Variants in EFEMP1 observed in about 807,000 individuals in gnomAD.
The protein encoded by EFEMP1 is EGF-containing fibulin-like extracellular matrix protein 1.
Under a neutral mutation model 65.7 loss-of-function variants are expected in EFEMP1, and 18 were observed. The observed-to-expected ratio is 0.27, with a 90% CI of 0.19 to 0.41. The LOEUF is 0.41. Among genes scored for constraint, EFEMP1 ranks in the 10% least tolerant of loss-of-function variants. The pLI, the probability that EFEMP1 is intolerant of heterozygous loss-of-function variation, is 1.00. For synonymous variants in EFEMP1, 237 were observed against 219.7 expected (o/e 1.08, Z -0.70); for missense variants, 469 against 624.8 (o/e 0.75, Z 2.66).
At chr2:55,905,450 C>CTT (rs1206365546) in intron 5 of EFEMP1, among the ~76,000 whole-genome samples, 1 of 151,938 alleles carries the variant, frequency 6.6e-6, no homozygotes, top group Non-Finnish European at 1.5e-5. Flanking sequence ...TCCAATAATT[C>CTT]TTTTTTGTGT....
intron 5 of EFEMP1, among the ~76,000 whole-genome samples, chr2:55,899,189 C>T (rs926289807): frequency 3.3e-5 from 5 of 152,300 alleles, no homozygotes; most frequent in East Asian, 3.9e-4. Context: ...TTTCAGTAAT[C>T]GCCACTTACC....
Position 55,867,187 on chromosome 2 carries a change from T to C in EFEMP1, c.1368A>G (p.Ser456=), listed in dbSNP as rs149616551. The change falls in exon 12 of 12, where the codon TCA becomes TCG. Residue 456 remains serine (S), a synonymous_variant. Transcript: ENST00000355426. This position sits in a 1 kb window ranked among gnomAD's most constrained non-coding sequence, Gnocchi z 4.3. ...SAMLVLVKSL[S]GPREHIVDLE... ...GGTCCACGATATGTTCTCTTGGTCC[T>C]GATAATGACTTCACGAGCACAAGCA... The C allele has an allele frequency of 1.9e-4, 311 of 1,613,918 alleles. No individual in the cohort carries two copies. Among genetic ancestry groups the C allele is most frequent in the Admixed American group, 5.3e-4 (32 of 59,994 alleles).
At chr2:55,909,919 G>A (rs1670418999) in intron 5 of EFEMP1, among the ~76,000 whole-genome samples, 1 of 152,150 alleles carries the variant, frequency 6.6e-6, no homozygotes, top group Non-Finnish European at 1.5e-5. Flanking sequence ...AGCTACAGCA[G>A]AAAGTGGTTC....
chr2:55,879,222 T>A (rs982569118), intron 6 of EFEMP1, among the ~76,000 whole-genome samples: 6 of 152,192 alleles, frequency 3.9e-5, no homozygotes, highest in Non-Finnish European at 5.9e-5. Context: ...CTGTTCATTG[T>A]TAGATCTGGA....
chr2:55,899,348 C>T (rs147404728), intron 5 of EFEMP1, among the ~76,000 whole-genome samples: 140 of 152,270 alleles, frequency 9.2e-4, no homozygotes, highest in African/African-American at 3.1e-3. Flanking sequence ...AGGTGGTGTG[C>T]CTAGGCTTCT....
chr2:55,914,732 C>T (rs867946166), intron 5 of EFEMP1, among the ~76,000 whole-genome samples: 1 of 152,104 alleles, frequency 6.6e-6, no homozygotes, highest in Non-Finnish European at 1.5e-5. Flanking sequence ...TTTATTCTAT[C>T]CAGTAGACCA....
intron 7 of EFEMP1, among the ~76,000 whole-genome samples, chr2:55,876,997 A>C (rs964334283): frequency 6.6e-6 from 1 of 152,074 alleles, no homozygotes; most frequent in Non-Finnish European, 1.5e-5. Context: ...TCTAGGAATG[A>C]CAGTTAGTTT....
rs371175216 is a variant in EFEMP1, at chr2:55,871,142, A to G, written c.1001-19T>C. 1,954 of 1,613,212 alleles carry G rather than the reference A, an allele frequency of 1.2e-3. 32 individuals carry two copies. In the South Asian group the frequency reaches 0.02, roughly 16 times the overall value. The stretch of plus-strand genomic sequence containing the variant: ...TTTATATCTGTAGAGATGTAGGGTC[A>G]AAGAGTTTACTAACTAAACTAATGA... On this transcript the variant is annotated intron_variant, in intron 9 of 11. Coordinates refer to ENST00000355426, the MANE Select transcript of EFEMP1 (RefSeq NM_001039348.3). This position sits in a 1 kb window ranked among gnomAD's most constrained non-coding sequence, Gnocchi z 4.2.
In EFEMP1 at chr2:55,885,386, C is replaced by T. The variant is rs1669388570; in HGVS notation, c.518-3652G>A. Among the ~76,000 whole-genome samples the T allele has an allele frequency of 6.6e-6, 1 of 152,114 alleles. No homozygotes were observed. On this transcript the variant is annotated intron_variant, in intron 5 of 11. Transcript: ENST00000355426. The surrounding 1 kb of genome is among the most constrained non-coding windows in gnomAD (Gnocchi z 4.3). ...GAGGATCATGAAATGCTAGATCTGT[C>T]GTGAACAAAATTCAAGGCCTTAAAG... is the stretch of plus-strand genomic sequence containing the variant.
Position 55,873,711 on chromosome 2 carries a change from C to G in EFEMP1, c.1000+1235G>C, listed in dbSNP as rs17047277. ...ATAAAGATGTTCATTGTGCAATGAA[C>G]TACATTCTGATTATGCTCATACTCA... On this transcript the variant is annotated intron_variant, in intron 9 of 11. Coordinates refer to ENST00000355426, the MANE Select transcript of EFEMP1 (RefSeq NM_001039348.3). This position sits in a 1 kb window ranked among gnomAD's most constrained non-coding sequence, Gnocchi z 4.6. 0.049 allele frequency among the ~76,000 whole-genome samples: 7,407 copies of G among 152,064 alleles called. 580 individuals carry two copies. The highest frequency in any genetic ancestry group is 0.17 in the African/African-American group (6,933 of 41,490).
chr2:55,884,020 C>T (rs1305049462), intron 5 of EFEMP1, among the ~76,000 whole-genome samples: 3 of 152,182 alleles, frequency 2.0e-5, no homozygotes, highest in Non-Finnish European at 4.4e-5. Flanking sequence ...GGTGATTACA[C>T]ATTTTACTTA....
chr2:55,874,916 C>T, intron 9 of EFEMP1, 30 bp downstream of exon 9: 1 of 1,578,660 alleles, frequency 6.3e-7, no homozygotes, highest in South Asian at 1.1e-5. Flanking sequence ...AAACTAAATA[C>T]CTAACATATG....
chr2:55,922,537 G>T lies in EFEMP1; in HGVS notation c.-7-90C>A, dbSNP rs954965432. 8.5e-7 allele frequency: 1 copy of T among 1,178,330 alleles called. No individual in the cohort carries two copies. The highest frequency in any genetic ancestry group is 1.7e-5 in the Admixed American group (1 of 57,890). The allele number at this position is 1,178,330 out of a possible 1,614,324, so 73.0% of individuals were successfully genotyped here. ...GCAGTGAGCACAAGCGAGGAAAGGA[G>T]GGTGGGAGAGGCTGAGGCTCCACCA... On this transcript the variant is annotated intron_variant, in intron 2 of 11. Transcript: ENST00000355426. The surrounding 1 kb of genome is among the most constrained non-coding windows in gnomAD (Gnocchi z 5.5).
intron 5 of EFEMP1, among the ~76,000 whole-genome samples, chr2:55,901,364 C>A (rs1251349435): frequency 6.6e-6 from 1 of 152,100 alleles, no homozygotes; most frequent in African/African-American, 2.4e-5. Flanking sequence ...GAGTAAAAGA[C>A]TTTAAACTAG....
chr2:55,903,083 TA>T (rs1558480044), intron 5 of EFEMP1, among the ~76,000 whole-genome samples: 11 of 152,244 alleles, frequency 7.2e-5, no homozygotes, highest in South Asian at 4.1e-4. Flanking sequence ...GCAAGTCATT[TA>T]GGGGAAGACC....
intron 11 of EFEMP1, among the ~76,000 whole-genome samples, chr2:55,869,516 G>A (rs2104366050): frequency 6.6e-6 from 1 of 152,156 alleles, no homozygotes. Flanking sequence ...AGTTGGTCAT[G>A]AGAAATTAAT....
intron 5 of EFEMP1, among the ~76,000 whole-genome samples, chr2:55,890,803 G>A (rs1669601193): frequency 1.3e-5 from 2 of 151,942 alleles, no homozygotes; most frequent in South Asian, 4.2e-4. Flanking sequence ...CCCATAAGAA[G>A]GCCCATAGCC....
Position 55,885,612 on chromosome 2 carries a change from G to A in EFEMP1, c.518-3878C>T, listed in dbSNP as rs973955063. On this transcript the variant is annotated intron_variant, in intron 5 of 11. Transcript: ENST00000355426. The surrounding 1 kb of genome is among the most constrained non-coding windows in gnomAD (Gnocchi z 4.3). ...CCTCATTTTTCAAAAATGTGCCCAC[G>A]TGCTCCCTCCTAGTGATTTATACTA... is the stretch of plus-strand genomic sequence containing the variant. 3.9e-5 allele frequency among the ~76,000 whole-genome samples: 6 copies of A among 152,068 alleles called. No individual in the cohort carries two copies. The highest frequency in any genetic ancestry group is 1.2e-4 in the African/African-American group (5 of 41,412).
At chr2:55,918,155 A>G in intron 4 of EFEMP1, 64 bp downstream of exon 4, 2 of 1,612,766 alleles carry the variant, frequency 1.2e-6, no homozygotes, top group African/African-American at 1.3e-5. Context: ...CAGGACAGGA[A>G]GAGTGACACA....
Sources: allele counts gnomAD v4.1 joint callset (sites outside exome capture counted in the v4.1 genomes callset), GRCh38; gene constraint gnomAD v4.1.1; non-coding constraint Gnocchi (gnomAD v3.1); transcripts MANE v1.5; gene names NCBI Gene and HGNC (gene_info 2026-07-23, HGNC 2026-07-21).